Variants in MRPL28 observed in about 807,000 individuals in gnomAD.
MRPL28 encodes mitochondrial ribosomal protein L28, also known as large ribosomal subunit protein bL28m.
MRPL28 carries 25 observed loss-of-function variants against 26.2 expected under a neutral mutation model. The observed-to-expected ratio is 0.95, with a 90% CI of 0.69 to 1.33. The LOEUF is 1.33. Among genes scored for constraint, MRPL28 ranks in the 40% most tolerant of loss-of-function variants. The pLI, the probability that MRPL28 is intolerant of heterozygous loss-of-function variation, is 0.00. For missense variants in MRPL28, 432 were observed against 327.2 expected, an observed-to-expected ratio of 1.32 and a Z score of -2.47; for synonymous variants, 227 against 140.1, an observed-to-expected ratio of 1.62 and a Z score of -4.38.
At chr16:370,368 C>T in intron 1 of MRPL28, 131 bp downstream of exon 1, 1 of 1,336,406 alleles carries the variant, frequency 7.5e-7, no homozygotes, top group South Asian at 1.6e-5. Flanking sequence ...TCACCCGCTA[C>T]CCCGGCCCCC....
chr16:369,115 G>A lies in MRPL28; in HGVS notation c.394C>T (p.Leu132=). Reference sequence around the variant, plus strand: ...CCATAAGCCTCATCGATGAGGTCCAGGGTCCGCATGGTCACAGTCACTGTG... The same window carrying A: ...CCATAAGCCTCATCGATGAGGTCCAAGGTCCGCATGGTCACAGTCACTGTG... ...KFTVTVTMRT[L]DLIDEAYGLD... Residue 132 remains leucine, a synonymous_variant, in exon 3 of 6, where the codon CTG becomes TTG. Transcript: ENST00000199706. The A allele has an allele frequency of 6.2e-7, 1 of 1,614,022 alleles. No individual in the cohort carries two copies. Among genetic ancestry groups the A allele is most frequent in the Non-Finnish European group, 8.5e-7 (1 of 1,179,944 alleles).
At chr16:369,278 G>A (rs1048649023) in intron 2 of MRPL28, 58 bp from the exon 3 acceptor site, 38 of 1,437,998 alleles carry the variant, frequency 2.6e-5, no homozygotes, top group African/African-American at 1.5e-4. Flanking sequence ...TACCAAGGGG[G>A]GCCCAGGCAA....
rs1268147239 is a variant in MRPL28 at position 367,212 on chromosome 16, GAA to G, written c.*461_*462del. Among the ~76,000 whole-genome samples, 2 of 151,802 alleles carry G rather than the reference GAA, an allele frequency of 1.3e-5. No homozygotes were observed. Among genetic ancestry groups the G allele is most frequent in the African/African-American group, 4.8e-5 (2 of 41,314 alleles). ...TGAGCAAGACTCCGTCTCAAAAAAA[GAA>G]AAGAAAAAAAAACACAAAACACAGA... On this transcript the variant is annotated 3_prime_UTR_variant, in exon 6 of 6. Transcript: ENST00000199706.
At chr16:368,782 G>A in intron 3 of MRPL28, 147 bp from the exon 4 acceptor site, 4 of 1,274,914 alleles carry the variant, frequency 3.1e-6, no homozygotes, top group Admixed American at 2.7e-5. Flanking sequence ...ACCCCAGCCT[G>A]GGGGGTGGGA....
intron 2 of MRPL28, 67 bp downstream of exon 2, chr16:369,864 G>A: frequency 6.5e-7 from 1 of 1,542,722 alleles, no homozygotes; most frequent in Non-Finnish European, 8.7e-7. Flanking sequence ...GGTACCCCGG[G>A]CGTCCGGCAC....
intron 2 of MRPL28, 192 bp downstream of exon 2, chr16:369,739 C>A (rs757412231): frequency 3.4e-5 from 28 of 825,384 alleles, no homozygotes; most frequent in Non-Finnish European, 5.3e-5. Flanking sequence ...CCCCACCTCA[C>A]CCCTACTTTA....
At chr16:368,293 G>A (rs779009629) in intron 5 of MRPL28, 35 bp downstream of exon 5, 1 of 1,606,592 alleles carries the variant, frequency 6.2e-7, no homozygotes. Context: ...ACCAGGCTCT[G>A]GGCAGGCAGC....
At chr16:368,821 G>T in intron 3 of MRPL28, 186 bp from the exon 4 acceptor site, 2 of 1,069,864 alleles carry the variant, frequency 1.9e-6, no homozygotes, top group Non-Finnish European at 2.6e-6. Flanking sequence ...CAAGTGCAGG[G>T]AAAGGGGCGG....
rs139612920 is a variant in MRPL28, at chr16:370,171, C to G, written c.48G>C (p.Leu16=). ...YPVWLWKRLQ[L]REGICSRLPG... is the part of the protein sequence containing the mutation. ...GCAGGCGGGAACAGATGCCCTCCCG[C>G]AGCTGCAGCCGCTTCCAGAGCCACA... Residue 16 remains leucine (L), a synonymous_variant, in exon 2 of 6, where the codon CTG becomes CTC. Transcript: ENST00000199706. 6.3e-7 allele frequency: 1 copy of G among 1,599,436 alleles called. No homozygotes were observed. Among genetic ancestry groups the G allele is most frequent in the Admixed American group, 1.7e-5 (1 of 58,936 alleles).
chr16:368,759 G>A (rs925652530), intron 3 of MRPL28, 124 bp from the exon 4 acceptor site: 2 of 1,433,376 alleles, frequency 1.4e-6, no homozygotes, highest in South Asian at 2.8e-5. Context: ...GGCCCGGGTG[G>A]GGCCGCCTCA....
chr16:369,187 GTGGCT>G lies in MRPL28; in HGVS notation c.317_321del (p.Lys106ThrfsTer4). On this transcript the variant is annotated frameshift_variant, in exon 3 of 6. Transcript: ENST00000199706. LOFTEE classifies it high-confidence loss of function. ...CTGTAGAACTCTCGCTCAAACAGCTGTGGCTTCCACACTTTCTTCAGCCTCTTGGA... is the reference window on the plus strand; with the variant it reads ...CTGTAGAACTCTCGCTCAAACAGCTGTCCACACTTTCTTCAGCCTCTTGGA... 6.2e-7 allele frequency: 1 copy of G among 1,614,032 alleles called. No individual in the cohort carries two copies. The highest frequency in any genetic ancestry group is 2.2e-5 in the East Asian group (1 of 44,884).
chr16:369,204 T>A lies in MRPL28; in HGVS notation c.305A>T (p.Lys102Met). The A allele has an allele frequency of 1.2e-6, 2 of 1,613,996 alleles. No individual in the cohort carries two copies. Residue 102 changes from lysine to methionine, a missense_variant, in exon 3 of 6, where the codon AAG becomes ATG. Physicochemically the swap from Lys to Met is moderately conservative, Grantham distance 95. Coordinates refer to ENST00000199706, the MANE Select transcript of MRPL28 (RefSeq NM_006428.5). ...ANNDKLSKRLKKVWKPQLFER... is the reference protein window; with the variant it reads ...ANNDKLSKRLMKVWKPQLFER... ...AAACAGCTGTGGCTTCCACACTTTC[T>A]TCAGCCTCTTGGAGAGCTGAGGGTG...
rs2054266026 is a variant in MRPL28, at chr16:367,074, G to T, written c.*601C>A. On this transcript the variant is annotated 3_prime_UTR_variant, in exon 6 of 6. Transcript: ENST00000199706. Reference sequence around the variant, plus strand: ...ATACAATTAGCCATACATGATAGCGGGGTGCCTGTAATCCCAGCTACTCAG... The same window carrying T: ...ATACAATTAGCCATACATGATAGCGTGGTGCCTGTAATCCCAGCTACTCAG... Among the ~76,000 whole-genome samples, 2 of 152,110 alleles carry T rather than the reference G, an allele frequency of 1.3e-5. No homozygotes were observed. Among genetic ancestry groups the T allele is most frequent in the South Asian group, 4.2e-4 (2 of 4,814 alleles).
At position 367,528 on chromosome 16, in the gene MRPL28, C is replaced by A; in HGVS notation, c.*147G>T. ...GGATCCCTGCCAAGCTGGCCCCGGG[C>A]TGGAAGGTGCATGGGCAGCACACGA... On this transcript the variant is annotated 3_prime_UTR_variant, in exon 6 of 6. Coordinates refer to ENST00000199706, the MANE Select transcript of MRPL28 (RefSeq NM_006428.5). 1.3e-6 allele frequency: 1 copy of A among 781,720 alleles called. No homozygotes were observed. The highest frequency in any genetic ancestry group is 2.2e-6 in the Non-Finnish European group (1 of 450,992). 48.4% of individuals were successfully genotyped at this position (781,720 alleles called of 1,614,324 possible).
Position 368,627 on chromosome 16 carries a change from C to A in MRPL28, c.450G>T (p.Lys150Asn). 6.4e-7 allele frequency: 1 copy of A among 1,556,934 alleles called. No homozygotes were observed. Among genetic ancestry groups the A allele is most frequent in the Non-Finnish European group, 8.7e-7 (1 of 1,148,776 alleles). Residue 150 changes from lysine to asparagine, a missense_variant, in exon 4 of 6, where the codon AAG (lysine) becomes AAT (asparagine). Coordinates refer to ENST00000199706, the MANE Select transcript of MRPL28 (RefSeq NM_006428.5). ...TCCCAAACTTGGAGCACAGGTCCTC[C>A]TTCGGGGTCTGGCAGAAGGCTCACA... ...GLDFYILKTP[K>N]EDLCSKFGMD...
At position 368,319 on chromosome 16, in the gene MRPL28, C is replaced by T; in HGVS notation, c.663+9G>A. Reference sequence around the variant, plus strand: ...GGCAGGCAGCATCGGCTGGTGCTCACACACTCACCTTCTCCTCCAAAAGTC... The same window carrying T: ...GGCAGGCAGCATCGGCTGGTGCTCATACACTCACCTTCTCCTCCAAAAGTC... On this transcript the variant is annotated intron_variant, in intron 5 of 5. Transcript: ENST00000199706. 1 of 1,613,122 alleles carries T rather than the reference C, an allele frequency of 6.2e-7. No individual in the cohort carries two copies. Among genetic ancestry groups the T allele is most frequent in the Non-Finnish European group, 8.5e-7 (1 of 1,179,802 alleles).
At chr16:369,870 G>C (rs551405842) in intron 2 of MRPL28, 61 bp downstream of exon 2, 3 of 1,555,732 alleles carry the variant, frequency 1.9e-6, no homozygotes, top group Non-Finnish European at 2.6e-6. Context: ...CCGGGCGTCC[G>C]GCACAGAGCC....
Position 368,299 on chromosome 16 carries a change from G to A in MRPL28, c.663+29C>T, listed in dbSNP as rs112166528. The A allele has an allele frequency of 3.1e-6, 5 of 1,609,284 alleles. No homozygotes were observed. In the Admixed American group the frequency reaches 5.0e-5, roughly 16 times the overall value. ...ACCCTGAACACCAGGCTCTGGGCAG[G>A]CAGCATCGGCTGGTGCTCACACACT... On this transcript the variant is annotated intron_variant, in intron 5 of 5. Transcript: ENST00000199706.
Position 370,363 on chromosome 16 carries a change from C to T in MRPL28, c.-8+136G>A, listed in dbSNP as rs868725806. On this transcript the variant is annotated intron_variant, in intron 1 of 5. Transcript: ENST00000199706. ...GCTACCCCGGCCCCCGGCTCTCACC[C>T]GCTACCCCGGCCCCCGGCTCTCACC... 2,903 of 769,360 alleles carry T rather than the reference C, an allele frequency of 3.8e-3. 24 individuals are homozygous for T. Among genetic ancestry groups the T allele is most frequent in the African/African-American group, 0.024 (715 of 30,314 alleles). 47.7% of individuals were successfully genotyped at this position (769,360 alleles called of 1,614,324 possible).
Sources: gnomAD v4.1 joint callset for allele counts (sites outside exome capture counted in the v4.1 genomes callset) on GRCh38, gnomAD v4.1.1 for gene constraint, MANE v1.5 for transcripts, NCBI Gene and HGNC (gene_info 2026-07-23, HGNC 2026-07-21) for gene names.